The following ADGRG7 variants were observed in gnomAD, a reference collection of about 807,000 sequenced individuals.
ADGRG7 encodes the protein G-protein coupled receptor 128.
ADGRG7 carries 82 observed loss-of-function variants against 88.6 expected under a neutral mutation model. The ratio of observed to expected loss-of-function variants is 0.93; its 90% CI spans 0.77 to 1.11. The LOEUF (loss-of-function observed/expected upper bound fraction) is 1.11, where lower values mean the gene tolerates loss of function less well. ADGRG7 is among the 50% of genes most tolerant of loss of function. The pLI, the probability that ADGRG7 is intolerant of heterozygous loss-of-function variation, is 0.00. For synonymous variants in ADGRG7, 381 were observed against 345.2 expected (o/e 1.10, Z -1.15); for missense variants, 945 against 953.4 (o/e 0.99, Z 0.12).
chr3:100,641,054 A>G (rs1251531719), intron 6 of ADGRG7, among the ~76,000 whole-genome samples: 2 of 152,222 alleles, frequency 1.3e-5, no homozygotes, highest in Non-Finnish European at 2.9e-5. Flanking sequence ...GTAAATAGGC[A>G]TATGGGGTCT....
At position 100,695,101 on chromosome 3, in the gene ADGRG7, T is replaced by C. The variant is rs540882481; in HGVS notation, c.*100T>C. ...AGTCCTCTCAGAAAGTCTTCCTCAA[T>C]GTATTTTGCTCAGGATTAAGAATTA... On this transcript the variant is annotated 3_prime_UTR_variant, in exon 16 of 16. Coordinates refer to ENST00000273352, the MANE Select transcript of ADGRG7 (RefSeq NM_032787.3). 22 of 1,250,962 alleles carry C rather than the reference T, an allele frequency of 1.8e-5. No homozygotes were observed. In the Admixed American group the frequency reaches 4.7e-4, roughly 27 times the overall value. 77.5% of individuals were successfully genotyped at this position (1,250,962 alleles called of 1,614,324 possible).
At chr3:100,665,430 T>C in intron 14 of ADGRG7, 2 of 538,798 alleles carry the variant, frequency 3.7e-6, no homozygotes, top group South Asian at 2.8e-5. Context: ...TTCTCAGCTT[T>C]TCCACTAAAT....
At chr3:100,649,915 G>A (rs1576324914) in intron 11 of ADGRG7, 108 bp downstream of exon 11, 3 of 542,050 alleles carry the variant, frequency 5.5e-6, no homozygotes, top group East Asian at 6.2e-5. Context: ...AACTCAGAGA[G>A]GTACTTATTT....
intron 14 of ADGRG7, among the ~76,000 whole-genome samples, chr3:100,664,336 T>C (rs1416943975): frequency 2.0e-5 from 3 of 152,142 alleles, no homozygotes; most frequent in African/African-American, 4.8e-5. Context: ...CAAAACTGTT[T>C]AGAAATGACG....
At chr3:100,623,716 A>G (rs530447432) in intron 1 of ADGRG7, among the ~76,000 whole-genome samples, 1 of 151,922 alleles carries the variant, frequency 6.6e-6, no homozygotes, top group African/African-American at 2.4e-5. Context: ...CTACTCCCCA[A>G]CAGGCCCCGG....
At chr3:100,635,876 G>A in intron 5 of ADGRG7, 50 bp downstream of exon 5, 3 of 1,372,852 alleles carry the variant, frequency 2.2e-6, no homozygotes, top group Non-Finnish European at 3.0e-6. Context: ...TTTTAGAGGG[G>A]GTGTTGGGAA....
intron 10 of ADGRG7, among the ~76,000 whole-genome samples, chr3:100,647,357 A>G (rs943801846): frequency 7.2e-5 from 11 of 152,202 alleles, no homozygotes; most frequent in African/African-American, 2.7e-4. Context: ...TTATAGCCAG[A>G]GGTAAAGCTG....
intron 10 of ADGRG7, among the ~76,000 whole-genome samples, 176 bp downstream of exon 10, chr3:100,646,900 C>T (rs1482198448): frequency 6.6e-6 from 1 of 152,222 alleles, no homozygotes; most frequent in East Asian, 1.9e-4. Flanking sequence ...TGGCTCACGC[C>T]TGTAACCCCA....
chr3:100,619,750 C>G (rs1480655564), intron 1 of ADGRG7, among the ~76,000 whole-genome samples: 2 of 152,102 alleles, frequency 1.3e-5, no homozygotes, highest in Non-Finnish European at 2.9e-5. Flanking sequence ...CACAGAAATA[C>G]AAACTACCAT....
intron 1 of ADGRG7, among the ~76,000 whole-genome samples, chr3:100,625,231 C>G (rs1293753873): frequency 6.6e-6 from 1 of 152,118 alleles, no homozygotes; most frequent in Non-Finnish European, 1.5e-5. Flanking sequence ...GTTTGTAGTT[C>G]TCCTGGAAGA....
intron 15 of ADGRG7, among the ~76,000 whole-genome samples, chr3:100,669,912 C>A (rs1356058737): frequency 6.6e-6 from 1 of 151,866 alleles, no homozygotes; most frequent in Non-Finnish European, 1.5e-5. Context: ...GTGGCATGCA[C>A]CTGTAATTGC....
At chr3:100,616,192 A>C (rs1707222551) in intron 1 of ADGRG7, among the ~76,000 whole-genome samples, 2 of 152,238 alleles carry the variant, frequency 1.3e-5, no homozygotes, top group Middle Eastern at 3.4e-3. Flanking sequence ...CACAAACAAA[A>C]CCCATAAAAG....
chr3:100,621,629 A>G (rs1419648511), intron 1 of ADGRG7, among the ~76,000 whole-genome samples: 2 of 152,256 alleles, frequency 1.3e-5, no homozygotes, highest in Admixed American at 6.5e-5. Context: ...ATGAAGTTTA[A>G]TGAAAGAAGC....
chr3:100,610,627 A>G (rs1707133649), intron 1 of ADGRG7, among the ~76,000 whole-genome samples: 1 of 151,686 alleles, frequency 6.6e-6, no homozygotes, highest in Non-Finnish European at 1.5e-5. Flanking sequence ...GAGTAAAACA[A>G]TGATGTTAAA....
At position 100,633,365 on chromosome 3, in the gene ADGRG7, C is replaced by A; in HGVS notation, c.435C>A (p.Thr145=). Residue 145 remains threonine (T), a synonymous_variant, in exon 4 of 16, where the codon ACC becomes ACA. Coordinates refer to ENST00000273352, the MANE Select transcript of ADGRG7 (RefSeq NM_032787.3). ...TIGNCNENLE[T]LEKQVKDVTA... ...GAAATTGCAATGAAAATCTGGAAAC[C>A]CTGGAAAAGCAGGTATGCCATATGA... 1 of 1,578,560 alleles carries A rather than the reference C, an allele frequency of 6.3e-7. No homozygotes were observed. The highest frequency in any genetic ancestry group is 8.6e-7 in the Non-Finnish European group (1 of 1,160,440).
chr3:100,666,281 G>A (rs113870524), intron 14 of ADGRG7, among the ~76,000 whole-genome samples: 7 of 152,128 alleles, frequency 4.6e-5, no homozygotes, highest in Non-Finnish European at 1.5e-5. Flanking sequence ...GCATATGGAG[G>A]ATCCCGCCAG....
At position 100,633,249 on chromosome 3, in the gene ADGRG7, T is replaced by C; in HGVS notation, c.335-16T>C. ...ATAAATACTTATTTTTAATAAAAAA[T>C]TTCTTTGTATTAAAGCGGGCAATCC... On this transcript the variant is annotated splice_polypyrimidine_tract_variant and intron_variant, in intron 3 of 15. Transcript: ENST00000273352. 7.8e-7 allele frequency: 1 copy of C among 1,282,466 alleles called. No homozygotes were observed. Among genetic ancestry groups the C allele is most frequent in the Non-Finnish European group, 1.0e-6 (1 of 972,548 alleles). 79.4% of individuals were successfully genotyped at this position (1,282,466 alleles called of 1,614,324 possible).
intron 15 of ADGRG7, among the ~76,000 whole-genome samples, chr3:100,694,089 G>A (rs912245963): frequency 2.6e-5 from 4 of 152,134 alleles, no homozygotes; most frequent in East Asian, 3.8e-4. Context: ...TGAAACATGC[G>A]GATGATAAAG....
chr3:100,611,391 T>C (rs1380536584), intron 1 of ADGRG7, among the ~76,000 whole-genome samples: 2 of 151,924 alleles, frequency 1.3e-5, no homozygotes, highest in African/African-American at 4.8e-5. Context: ...TAAAGGGAAA[T>C]TTATGATGAC....
Sources: allele counts gnomAD v4.1 joint callset (sites outside exome capture counted in the v4.1 genomes callset), GRCh38; gene constraint gnomAD v4.1.1; transcripts MANE v1.5; gene names NCBI Gene and HGNC (gene_info 2026-07-23, HGNC 2026-07-21).